The following PKD1L3 variants were observed in gnomAD, a reference collection of about 807,000 sequenced individuals.
PKD1L3 encodes the protein polycystin 1 like 3, transient receptor potential channel interacting, also known as polycystin-1-like protein 3.
Under a neutral mutation model 184.1 loss-of-function variants are expected in PKD1L3, and 239 were observed. The ratio of observed to expected loss-of-function variants is 1.30; its 90% CI spans 1.17 to 1.45. PKD1L3 has a LOEUF of 1.45. PKD1L3 is among the 40% of genes most tolerant of loss of function. The pLI is 0.00. For missense variants in PKD1L3, 2,660 were observed against 2,067.2 expected, an observed-to-expected ratio of 1.29 and a Z score of -5.56; for synonymous variants, 996 against 778.8, an observed-to-expected ratio of 1.28 and a Z score of -4.64.
intron 4 of PKD1L3, among the ~76,000 whole-genome samples, chr16:71,987,726 A>G (rs1567549853): frequency 1.3e-5 from 2 of 151,976 alleles, no homozygotes; most frequent in Non-Finnish European, 2.9e-5. Flanking sequence ...GCTGGTCTTG[A>G]ACTCCTAGCT....
Position 71,929,712 on chromosome 16 carries a change from A to G in PKD1L3, c.5059-34T>C, listed in dbSNP as rs1216020084. The G allele has an allele frequency of 2.0e-6, 3 of 1,497,366 alleles. No individual in the cohort carries two copies. The Admixed American group carries it at 7.4e-5, about 37-fold the overall frequency. 92.8% of individuals were successfully genotyped at this position (1,497,366 alleles called of 1,614,324 possible). ...TGAAGACAAAAAGAGAAAAGTGAGA[A>G]AATTGAAATTACTGCTAATAGTGGA... On this transcript the variant is annotated intron_variant, in intron 29 of 29. Transcript: ENST00000620267.
chr16:71,962,464 A>G (rs1217238662), intron 16 of PKD1L3, among the ~76,000 whole-genome samples: 1 of 152,122 alleles, frequency 6.6e-6, no homozygotes, highest in South Asian at 2.1e-4. Flanking sequence ...TCACCAGTAC[A>G]TTGCTTTAAT....
At chr16:71,954,461 T>G (rs927514607) in intron 16 of PKD1L3, among the ~76,000 whole-genome samples, 160 bp from the exon 17 acceptor site, 3 of 152,246 alleles carry the variant, frequency 2.0e-5, no homozygotes, top group African/African-American at 7.2e-5. Flanking sequence ...CTTTTTTTAT[T>G]TTAAATTCTT....
intron 16 of PKD1L3, among the ~76,000 whole-genome samples, chr16:71,955,978 C>G (rs998387938): frequency 2.0e-5 from 3 of 151,956 alleles, no homozygotes; most frequent in Admixed American, 2.0e-4. Context: ...GTCTTAGGTA[C>G]GTCTCCATAG....
chr16:71,997,090 A>G (rs2040813371), intron 2 of PKD1L3, among the ~76,000 whole-genome samples: 1 of 151,908 alleles, frequency 6.6e-6, no homozygotes, highest in Non-Finnish European at 1.5e-5. Flanking sequence ...GGGAGAGTGG[A>G]AACAGTATGA....
At chr16:71,959,084 C>CAAAA (rs34063785) in intron 16 of PKD1L3, among the ~76,000 whole-genome samples, 30 of 76,736 alleles carry the variant, frequency 3.9e-4, no homozygotes, top group South Asian at 1.0e-3. Flanking sequence ...ACTCCCGTCT[C>CAAAA]AAAAAAAAAA....
At chr16:71,987,990 CAT>C in intron 4 of PKD1L3, among the ~76,000 whole-genome samples, 1 of 152,192 alleles carries the variant, frequency 6.6e-6, no homozygotes, top group East Asian at 1.9e-4. Context: ...AGGGGAGTGT[CAT>C]ATATCAGGCA....
chr16:71,950,383 A>C, intron 19 of PKD1L3, 73 bp from the exon 20 acceptor site: 1 of 1,308,386 alleles, frequency 7.6e-7, no homozygotes, highest in Non-Finnish European at 1.0e-6. Context: ...AGAGATTAAC[A>C]ATTCATTGAT....
intron 2 of PKD1L3, among the ~76,000 whole-genome samples, chr16:71,994,832 T>C (rs1597380649): frequency 6.6e-6 from 1 of 152,044 alleles, no homozygotes; most frequent in Non-Finnish European, 1.5e-5. Context: ...AACCGCCGTC[T>C]CTACTAAAAA....
At chr16:71,969,811 T>A in intron 13 of PKD1L3, 64 bp downstream of exon 13, 1 of 1,406,278 alleles carries the variant, frequency 7.1e-7, no homozygotes, top group South Asian at 1.4e-5. Flanking sequence ...AGGTGTTTTT[T>A]CCTTCATCTT....
intron 7 of PKD1L3, 114 bp from the exon 8 acceptor site, chr16:71,980,248 T>C: frequency 7.6e-7 from 1 of 1,309,980 alleles, no homozygotes; most frequent in South Asian, 1.5e-5. Context: ...TAATGAAGGG[T>C]AGTATTCCTT....
chr16:71,975,607 A>G (rs2039889038), intron 11 of PKD1L3, among the ~76,000 whole-genome samples: 1 of 152,190 alleles, frequency 6.6e-6, no homozygotes, highest in South Asian at 2.1e-4. Flanking sequence ...TCAACATGTT[A>G]TTATGAAAAT....
At chr16:71,980,170 A>T (rs1353954152) in intron 7 of PKD1L3, 36 bp from the exon 8 acceptor site, 12 of 1,544,492 alleles carry the variant, frequency 7.8e-6, no homozygotes, top group African/African-American at 1.4e-5. Flanking sequence ...GACTTGTAAA[A>T]CCTCAGTGTC....
rs560446212 is a variant in PKD1L3, at chr16:71,986,462, G to A, written c.593C>T (p.Thr198Ile). ...AAACTGGCTGATGGGATGACACAGG[G>A]TCTTGGACTAAAAGATAAAAATATG... is the stretch of plus-strand genomic sequence containing the variant. ...HYPLPAHLSK[T>I]LCHPISQFPS... Residue 198 changes from threonine to isoleucine, a missense_variant, in exon 5 of 30, where the codon ACC becomes ATC. Coordinates refer to ENST00000620267, the MANE Select transcript of PKD1L3 (RefSeq NM_181536.2). 1.3e-6 allele frequency: 2 copies of A among 1,549,008 alleles called. No homozygotes were observed. The highest frequency in any genetic ancestry group is 1.4e-5 in the African/African-American group (1 of 73,040).
rs764130752 is a variant in PKD1L3, at chr16:71,967,250, C to CT, written c.2351dup (p.Thr785AspfsTer4). 2.6e-6 allele frequency: 4 copies of CT among 1,551,558 alleles called. No homozygotes were observed. The South Asian group carries it at 4.8e-5, about 18-fold the overall frequency. On this transcript the variant is annotated frameshift_variant, in exon 15 of 30. Transcript: ENST00000620267. LOFTEE classifies it high-confidence loss of function. ...CCAGGCCCCCTCGTTCAAAGACTGT[C>CT]TTCTGGGGGTCACAGAGGTGATGGG... is the stretch of plus-strand genomic sequence containing the variant.
At chr16:71,999,631 A>C (rs1597386966) in intron 1 of PKD1L3, 53 bp downstream of exon 1, 1 of 1,368,740 alleles carries the variant, frequency 7.3e-7, no homozygotes. Flanking sequence ...TTTCTGTCCC[A>C]GAATAAAATA....
chr16:71,986,571 A>T lies in PKD1L3; in HGVS notation c.586-102T>A, dbSNP rs1219924771. ...ATACTCTGAAACTCTGTCCTATGAG[A>T]TACTAATAGGCATTTCTGTTAAAAA... On this transcript the variant is annotated intron_variant, in intron 4 of 29. Coordinates refer to ENST00000620267, the MANE Select transcript of PKD1L3 (RefSeq NM_181536.2). The T allele has an allele frequency of 2.4e-6, 3 of 1,270,692 alleles. No homozygotes were observed. In the South Asian group the frequency reaches 4.9e-5, roughly 21 times the overall value. 78.7% of individuals were successfully genotyped at this position (1,270,692 alleles called of 1,614,324 possible).
chr16:71,958,142 C>T (rs978409066), intron 16 of PKD1L3, among the ~76,000 whole-genome samples: 2 of 151,556 alleles, frequency 1.3e-5, no homozygotes, highest in African/African-American at 4.9e-5. Flanking sequence ...AATCCCAGCA[C>T]TTTGGGAGGC....
intron 19 of PKD1L3, 111 bp downstream of exon 19, chr16:71,951,453 A>T (rs771702668): frequency 3.9e-5 from 45 of 1,141,440 alleles, no homozygotes; most frequent in Non-Finnish European, 3.7e-5. Flanking sequence ...AATTAAAACA[A>T]CCAGAAGGTT....
Sources: allele counts gnomAD v4.1 joint callset (sites outside exome capture counted in the v4.1 genomes callset), GRCh38; gene constraint gnomAD v4.1.1; transcripts MANE v1.5; gene names NCBI Gene and HGNC (gene_info 2026-07-23, HGNC 2026-07-21).